BMS1: variants seen among roughly 807,000 people sequenced by gnomAD.
The protein encoded by BMS1 is BMS1 ribosome biogenesis factor.
A neutral mutation model predicts 138.7 loss-of-function variants in BMS1; 53 were observed. The ratio of observed to expected loss-of-function variants is 0.38; its 90% confidence interval spans 0.31 to 0.48. BMS1 has a LOEUF of 0.48. Ranked by LOEUF, BMS1 falls within the 20% of genes least tolerant of loss-of-function variation. The pLI is 0.97. For synonymous variants in BMS1, 504 were observed against 539.9 expected (o/e 0.93, Z 0.92); for missense variants, 1,360 against 1,565.5 (o/e 0.87, Z 2.22).
Position 42,830,953 on chromosome 10 carries a change from C to T in BMS1, c.3706C>T (p.His1236Tyr), listed in dbSNP as rs1051417468. 33 of 1,610,492 alleles carry T rather than the reference C, an allele frequency of 2.0e-5. No homozygotes were observed. The highest frequency in any genetic ancestry group is 2.7e-5 in the African/African-American group (2 of 74,702). Residue 1236 changes from histidine (H) to tyrosine (Y), a missense_variant, in exon 23 of 23, where the codon CAC (histidine) becomes TAC (tyrosine). Transcript: ENST00000374518. ...GCAGCGGCACCTGCACAATAAAGAG[C>T]ACTTCAGAGCCAAGCAGAAGGAGGA... ...KEQRHLHNKE[H>Y]FRAKQKEEEE...
At chr10:42,816,479 T>C (rs1223264184) in intron 13 of BMS1, 120 bp from the exon 14 acceptor site, 2 of 688,802 alleles carry the variant, frequency 2.9e-6, no homozygotes, top group African/African-American at 3.6e-5. Context: ...GTGTGTGTAG[T>C]GACAGGAACA....
chr10:42,792,622 C>G lies in BMS1; in HGVS notation c.901+8C>G, dbSNP rs200490834. 1.7e-5 allele frequency: 27 copies of G among 1,604,242 alleles called. No homozygotes were observed. The highest frequency in any genetic ancestry group is 2.2e-5 in the Non-Finnish European group (26 of 1,179,538). On this transcript the variant is annotated splice_region_variant and intron_variant, in intron 7 of 22. Coordinates refer to ENST00000374518, the MANE Select transcript of BMS1 (RefSeq NM_014753.4). ...GCCAAATTCACATGCCAGGTATTCT[C>G]TTGTTGTAGAACATACTAGAATTAC... is the stretch of plus-strand genomic sequence containing the variant.
At chr10:42,792,932 C>T in intron 7 of BMS1, 25 bp from the exon 8 acceptor site, 1 of 1,595,932 alleles carries the variant, frequency 6.3e-7, no homozygotes. Flanking sequence ...TCAGCTGAAG[C>T]TGGCTTTTGG....
At chr10:42,800,295 G>A (rs1278978551) in intron 12 of BMS1, among the ~76,000 whole-genome samples, 1 of 152,102 alleles carries the variant, frequency 6.6e-6, no homozygotes, top group Non-Finnish European at 1.5e-5. Context: ...AGGTGATGGT[G>A]TTTTCTCATT....
At chr10:42,793,208 T>C in intron 8 of BMS1, 64 bp downstream of exon 8, 6 of 1,475,064 alleles carry the variant, frequency 4.1e-6, no homozygotes, top group Non-Finnish European at 5.4e-6. Context: ...TATTTTTTAA[T>C]CACAAAAAGT....
chr10:42,801,432 A>G (rs762507277), intron 12 of BMS1, among the ~76,000 whole-genome samples: 33 of 152,208 alleles, frequency 2.2e-4, no homozygotes, highest in Non-Finnish European at 4.6e-4. Flanking sequence ...TCTCTTTTCA[A>G]AAGTGACTGT....
chr10:42,818,536 A>T (rs1842414860), intron 15 of BMS1, among the ~76,000 whole-genome samples: 1 of 152,128 alleles, frequency 6.6e-6, no homozygotes, highest in African/African-American at 2.4e-5. Context: ...TTCCTGGTGG[A>T]CTGAATGTGG....
At chr10:42,826,741 T>A (rs1842658288) in intron 21 of BMS1, among the ~76,000 whole-genome samples, 1 of 152,220 alleles carries the variant, frequency 6.6e-6, no homozygotes. Context: ...CAGGTGTGGC[T>A]GCTCAGCTCA....
At position 42,797,443 on chromosome 10, in the gene BMS1, A is replaced by G. The variant is rs748574124; in HGVS notation, c.2009A>G (p.Asp670Gly). The change falls in exon 11 of 23, where the codon GAC becomes GGC. Residue 670 changes from aspartate to glycine, a missense_variant. Coordinates refer to ENST00000374518, the MANE Select transcript of BMS1 (RefSeq NM_014753.4). ...TCAGGTGCCCTCAAGTGGAAGGAAGACCTTTCCAGAAAGGCAGCTGAGGCC... is the reference window on the plus strand; with the variant it reads ...TCAGGTGCCCTCAAGTGGAAGGAAGGCCTTTCCAGAAAGGCAGCTGAGGCC... ...ETSGALKWKE[D>G]LSRKAAEAFL... 42 of 1,614,036 alleles carry G rather than the reference A, an allele frequency of 2.6e-5. 1 individual carries two copies. The Admixed American group carries it at 6.8e-4, about 26-fold the overall frequency.
chr10:42,792,979 T>C lies in BMS1; in HGVS notation c.924T>C (p.Ser308=), dbSNP rs1841559161. 6.2e-7 allele frequency: 1 copy of C among 1,611,126 alleles called. No homozygotes were observed. The highest frequency in any genetic ancestry group is 8.5e-7 in the Non-Finnish European group (1 of 1,179,170). The change falls in exon 8 of 23, where the codon AGT becomes AGC. Residue 308 remains serine, a synonymous_variant. Coordinates refer to ENST00000374518, the MANE Select transcript of BMS1 (RefSeq NM_014753.4). ...HMPGVGDFAV[S]DISFLPDPCA... ...CAGGGGTAGGAGATTTTGCCGTGAG[T>C]GACATCAGTTTCCTCCCAGACCCTT...
At chr10:42,812,190 C>A (rs78636740) in intron 13 of BMS1, among the ~76,000 whole-genome samples, 1 of 152,194 alleles carries the variant, frequency 6.6e-6, no homozygotes, top group Non-Finnish European at 1.5e-5. Context: ...CTGTCACTTA[C>A]GCTAGAGTGC....
chr10:42,802,269 T>A (rs765782168), intron 13 of BMS1, 51 bp downstream of exon 13: 1 of 1,512,860 alleles, frequency 6.6e-7, no homozygotes, highest in Non-Finnish European at 9.1e-7. Context: ...TAAACTTTAT[T>A]TTCTTCAGTA....
At chr10:42,791,952 A>G (rs1841519519) in intron 6 of BMS1, among the ~76,000 whole-genome samples, 183 bp downstream of exon 6, 1 of 152,178 alleles carries the variant, frequency 6.6e-6, no homozygotes, top group South Asian at 2.1e-4. Flanking sequence ...GAGTAAATTA[A>G]TTATGAGATG....
chr10:42,801,138 C>G lies in BMS1; in HGVS notation c.2248-999C>G, dbSNP rs111715505. On this transcript the variant is annotated intron_variant, in intron 12 of 22. Coordinates refer to ENST00000374518, the MANE Select transcript of BMS1 (RefSeq NM_014753.4). ...GGAAATGGTATTTCAACGTGACAGC[C>G]TAGGCATAGGAATGCTACTGCCATG... Among the ~76,000 whole-genome samples, 887 of 152,282 alleles carry G rather than the reference C, an allele frequency of 5.8e-3. 12 individuals are homozygous for G. Among genetic ancestry groups the G allele is most frequent in the African/African-American group, 0.02 (816 of 41,546 alleles).
In BMS1 at chr10:42,792,575, G is replaced by C; in HGVS notation, c.862G>C (p.Gly288Arg). ...GGTGTCACTTTATGGTTATTTAAGA[G>C]GAGCACACTTGAAAAATAAAAGCCA... ...RKVSLYGYLR[G>R]AHLKNKSQIH... The change falls in exon 7 of 23, where the codon GGA becomes CGA. Residue 288 changes from glycine to arginine, a missense_variant. Gly to Arg is a moderately radical substitution (Grantham distance 125, BLOSUM62 -2). Coordinates refer to ENST00000374518, the MANE Select transcript of BMS1 (RefSeq NM_014753.4). 6.2e-7 allele frequency: 1 copy of C among 1,610,846 alleles called. No homozygotes were observed.
intron 13 of BMS1, among the ~76,000 whole-genome samples, chr10:42,803,246 C>T (rs1841921888): frequency 6.6e-6 from 1 of 152,152 alleles, no homozygotes; most frequent in Non-Finnish European, 1.5e-5. Context: ...TTAAGAGATA[C>T]TCCTGCCTCA....
chr10:42,804,066 C>A (rs1564419229), intron 13 of BMS1, among the ~76,000 whole-genome samples: 1 of 152,136 alleles, frequency 6.6e-6, no homozygotes, highest in East Asian at 1.9e-4. Context: ...GCTGTTGCAT[C>A]TTCATTTCTT....
At position 42,796,915 on chromosome 10, in the gene BMS1, G is replaced by A. The variant is rs1287486999; in HGVS notation, c.1671G>A (p.Gln557=). 1 of 1,614,110 alleles carries A rather than the reference G, an allele frequency of 6.2e-7. No individual in the cohort carries two copies. The highest frequency in any genetic ancestry group is 8.5e-7 in the Non-Finnish European group (1 of 1,180,046). Residue 557 remains glutamine, a synonymous_variant, in exon 10 of 23, where the codon CAG becomes CAA. Transcript: ENST00000374518. ...SKAGLSPANC[Q]SDRVNLEKSL... ...CAGGGCTGTCACCAGCTAATTGCCA[G>A]AGTGACCGTGTGAATCTGGAGAAGT...
chr10:42,819,435 A>C (rs539427389), intron 15 of BMS1, among the ~76,000 whole-genome samples: 1 of 152,216 alleles, frequency 6.6e-6, no homozygotes, highest in Non-Finnish European at 1.5e-5. Flanking sequence ...ATTTTAATGT[A>C]AATAGCCACT....
Sources: allele counts gnomAD v4.1 joint callset (sites outside exome capture counted in the v4.1 genomes callset), GRCh38; gene constraint gnomAD v4.1.1; transcripts MANE v1.5; gene names NCBI Gene and HGNC (gene_info 2026-07-23, HGNC 2026-07-21).